NTRK2: variants seen among roughly 807,000 people sequenced by gnomAD.
NTRK2 encodes neurotrophic receptor tyrosine kinase 2, also known as BDNF/NT-3 growth factors receptor.
In NTRK2, 13 loss-of-function variants were observed where a neutral mutation model predicts 94.5. The observed-to-expected ratio is 0.14, with a 90% CI of 0.09 to 0.22. The LOEUF (loss-of-function observed/expected upper bound fraction) is 0.22. Ranked by LOEUF, NTRK2 falls within the 10% of genes least tolerant of loss-of-function variation. NTRK2 has a pLI of 1.00. For missense variants in NTRK2, 639 were observed against 1,071.2 expected, an observed-to-expected ratio of 0.60 and a Z score of 5.63; for synonymous variants, 372 against 407.4, an observed-to-expected ratio of 0.91 and a Z score of 1.05.
chr9:84,875,614 C>T, intron 14 of NTRK2: 2 of 1,061,154 alleles, frequency 1.9e-6, no homozygotes, highest in Non-Finnish European at 2.3e-6. Flanking sequence ...TCATACATTT[C>T]CTGATGTTTA....
Position 85,026,203 on chromosome 9 carries a change from C to A in NTRK2, c.*4766C>A, listed in dbSNP as rs1426245853. On this transcript the variant is annotated 3_prime_UTR_variant, in exon 19 of 19. Transcript: ENST00000277120. ...ACACTGTGAATTTCACAACAACCAC[C>A]ACCAAGCAACTATTTTGCCATCTTA... The A allele has an allele frequency of 4.4e-6, 1 of 229,320 alleles. No individual in the cohort carries two copies. Among genetic ancestry groups the A allele is most frequent in the Non-Finnish European group, 8.6e-6 (1 of 115,798 alleles). The allele number at this position is 229,320 out of a possible 1,614,324, so 14.2% of individuals were successfully genotyped here. A position where few individuals can be genotyped will look rare whatever the true frequency, so the allele number is the denominator to read the frequency against.
intron 12 of NTRK2, chr9:84,812,145 A>G (rs41277883): frequency 0.019 from 20,498 of 1,058,796 alleles, 238 homozygotes; most frequent in Non-Finnish European, 0.022. Flanking sequence ...AGTCAGAAAC[A>G]TTGTTTTGAA....
intron 12 of NTRK2, among the ~76,000 whole-genome samples, chr9:84,800,928 G>A (rs1366067905): frequency 6.6e-6 from 1 of 152,176 alleles, no homozygotes; most frequent in African/African-American, 2.4e-5. Context: ...TTTCCATGGG[G>A]AATTGGAATT....
At chr9:84,822,133 A>C (rs756537534) in intron 12 of NTRK2, among the ~76,000 whole-genome samples, 7 of 152,166 alleles carry the variant, frequency 4.6e-5, no homozygotes, top group Non-Finnish European at 7.3e-5. Context: ...ATAAAGTATC[A>C]GAGAGTCTTT....
At chr9:84,742,789 G>GCTTTTTTTTTTTTT (rs1221783716) in intron 10 of NTRK2, among the ~76,000 whole-genome samples, 1 of 103,706 alleles carries the variant, frequency 9.6e-6, no homozygotes, top group African/African-American at 4.0e-5. Context: ...CATTATATTA[G>GCTTTTTTTTTTTTT]TTTTTTTTTT....
At chr9:84,931,626 G>T (rs1411365741) in intron 14 of NTRK2, among the ~76,000 whole-genome samples, 1 of 149,976 alleles carries the variant, frequency 6.7e-6, no homozygotes, top group Admixed American at 6.7e-5. Context: ...TGGAAATAAT[G>T]AAATTGTGGC....
At chr9:84,958,117 T>G (rs1824394254) in intron 17 of NTRK2, among the ~76,000 whole-genome samples, 1 of 152,120 alleles carries the variant, frequency 6.6e-6, no homozygotes, top group African/African-American at 2.4e-5. Context: ...TGACTGCTAC[T>G]GCGTACAGGG....
intron 17 of NTRK2, among the ~76,000 whole-genome samples, chr9:84,957,129 G>A (rs1158037160): frequency 6.6e-6 from 1 of 152,170 alleles, no homozygotes; most frequent in Non-Finnish European, 1.5e-5. Flanking sequence ...GGAAACACAT[G>A]GATGATTCTC....
At chr9:84,793,423 C>G (rs1455884416) in intron 12 of NTRK2, among the ~76,000 whole-genome samples, 3 of 152,136 alleles carry the variant, frequency 2.0e-5, no homozygotes, top group South Asian at 4.1e-4. Flanking sequence ...CATGAAAGCA[C>G]TACTATGTCT....
chr9:84,874,736 A>C (rs2076003115), intron 14 of NTRK2: 2 of 1,061,118 alleles, frequency 1.9e-6, no homozygotes, highest in South Asian at 4.6e-5. Flanking sequence ...TGAGACTGAG[A>C]GAGCAGCCCG....
At chr9:84,825,655 G>A (rs1329752760) in intron 12 of NTRK2, among the ~76,000 whole-genome samples, 1 of 152,348 alleles carries the variant, frequency 6.6e-6, no homozygotes, top group East Asian at 1.9e-4. Context: ...CCATAACAAT[G>A]ATTATCATGA....
At chr9:84,933,232 A>AAC (rs2078101100) in intron 14 of NTRK2, among the ~76,000 whole-genome samples, 1 of 152,214 alleles carries the variant, frequency 6.6e-6, no homozygotes, top group South Asian at 2.1e-4. Context: ...TAAGGGACTC[A>AAC]ACATTTAACG....
chr9:84,983,919 C>G (rs903193998), intron 17 of NTRK2, among the ~76,000 whole-genome samples: 2 of 152,180 alleles, frequency 1.3e-5, no homozygotes, highest in African/African-American at 4.8e-5. Context: ...GACAGTGGGT[C>G]TTGGAGCTGG....
chr9:84,829,926 G>A (rs1363300106), intron 12 of NTRK2, among the ~76,000 whole-genome samples: 2 of 152,136 alleles, frequency 1.3e-5, no homozygotes, highest in Admixed American at 1.3e-4. Flanking sequence ...TCATCAATGA[G>A]GGAAAAACAC....
At chr9:84,817,749 C>T (rs534600496) in intron 12 of NTRK2, among the ~76,000 whole-genome samples, 33 of 152,262 alleles carry the variant, frequency 2.2e-4, no homozygotes, top group Admixed American at 3.3e-4. Flanking sequence ...GACTTAGAAA[C>T]GAGTATTCAC....
At chr9:84,981,886 A>C (rs1175955839) in intron 17 of NTRK2, among the ~76,000 whole-genome samples, 1 of 152,202 alleles carries the variant, frequency 6.6e-6, no homozygotes, top group Non-Finnish European at 1.5e-5. Context: ...TTAGCCAAGA[A>C]ATTAGAGAAT....
intron 12 of NTRK2, chr9:84,813,606 G>A: frequency 9.4e-7 from 1 of 1,065,844 alleles, no homozygotes; most frequent in Non-Finnish European, 1.1e-6. Context: ...CTCCTCTCCT[G>A]TGATTCCCAC....
intron 17 of NTRK2, among the ~76,000 whole-genome samples, chr9:84,996,294 T>C (rs1178193037): frequency 1.3e-5 from 2 of 152,230 alleles, no homozygotes; most frequent in Non-Finnish European, 2.9e-5. Context: ...TGATAAGACT[T>C]GGCAGTGACC....
intron 14 of NTRK2, among the ~76,000 whole-genome samples, chr9:84,905,826 G>A (rs774334440): frequency 4.6e-5 from 7 of 152,178 alleles, no homozygotes; most frequent in Non-Finnish European, 1.0e-4. Context: ...AATGAAGATA[G>A]ACATGGGGAA....
Sources: allele counts gnomAD v4.1 joint callset (sites outside exome capture counted in the v4.1 genomes callset), GRCh38; gene constraint gnomAD v4.1.1; transcripts MANE v1.5; gene names NCBI Gene and HGNC (gene_info 2026-07-23, HGNC 2026-07-21).